PRKD1: variants seen among roughly 807,000 people sequenced by gnomAD.
PRKD1 encodes the protein serine/threonine-protein kinase D1.
PRKD1 carries 63 observed loss-of-function variants against 95.9 expected under a neutral mutation model. The ratio of observed to expected loss-of-function variants is 0.66; its 90% CI spans 0.54 to 0.81. PRKD1 has a LOEUF of 0.81. PRKD1 is among the 30% of genes least tolerant of loss of function. The pLI is 0.00. For missense variants in PRKD1, 1,048 were observed against 1,165.3 expected (o/e 0.90, Z 1.47); for synonymous variants, 425 against 423.1 (o/e 1.00, Z -0.05).
intron 13 of PRKD1, among the ~76,000 whole-genome samples, chr14:29,604,304 T>A (rs577941194): frequency 9.2e-5 from 14 of 152,298 alleles, no homozygotes; most frequent in South Asian, 2.1e-4. Context: ...ACCTTTAGGA[T>A]TATTCTACTC....
At chr14:29,863,023 C>A (rs901946330) in intron 1 of PRKD1, among the ~76,000 whole-genome samples, 1 of 152,102 alleles carries the variant, frequency 6.6e-6, no homozygotes, top group Non-Finnish European at 1.5e-5. Flanking sequence ...ATAAAGACAG[C>A]AACATTCTAA....
At chr14:29,683,200 G>A (rs1890223) in intron 2 of PRKD1, among the ~76,000 whole-genome samples, 30,890 of 152,034 alleles carry the variant, frequency 0.2, 3,182 homozygotes, top group South Asian at 0.24. Context: ...TACCATATGG[G>A]GCTGTAGCAA....
intron 1 of PRKD1, among the ~76,000 whole-genome samples, chr14:29,884,843 C>T (rs1893638810): frequency 6.6e-6 from 1 of 152,186 alleles, no homozygotes; most frequent in African/African-American, 2.4e-5. Context: ...AATTAGTAGG[C>T]TGGGCGCAGT....
intron 1 of PRKD1, among the ~76,000 whole-genome samples, chr14:29,862,499 T>C (rs1282291206): frequency 6.6e-6 from 1 of 152,134 alleles, no homozygotes; most frequent in South Asian, 2.1e-4. Flanking sequence ...TTCCCACCAA[T>C]AGTGTATGAG....
At chr14:29,756,504 T>TA (rs1313884558) in intron 1 of PRKD1, among the ~76,000 whole-genome samples, 1 of 152,114 alleles carries the variant, frequency 6.6e-6, no homozygotes, top group Non-Finnish European at 1.5e-5. Flanking sequence ...ATGCTATGTG[T>TA]AAAAAAACAC....
intron 1 of PRKD1, among the ~76,000 whole-genome samples, chr14:29,885,120 CT>C (rs201466290): frequency 4.4e-4 from 48 of 108,726 alleles, no homozygotes; most frequent in Admixed American, 1.3e-3. Flanking sequence ...GAGACTCCAT[CT>C]TTTAAAAAAA....
At chr14:29,832,586 G>A (rs182315793) in intron 1 of PRKD1, among the ~76,000 whole-genome samples, 9 of 151,850 alleles carry the variant, frequency 5.9e-5, no homozygotes, top group Non-Finnish European at 8.8e-5. Flanking sequence ...GTAACCATAC[G>A]TTTTTCATCC....
chr14:29,651,797 G>A (rs924091817), intron 4 of PRKD1, among the ~76,000 whole-genome samples: 1 of 151,998 alleles, frequency 6.6e-6, no homozygotes, highest in Non-Finnish European at 1.5e-5. Context: ...AGTCTAGAGT[G>A]CAATGGCTGT....
At chr14:29,751,039 A>G (rs973842679) in intron 1 of PRKD1, 1 of 152,234 alleles carries the variant, frequency 6.6e-6, no homozygotes, top group Admixed American at 6.5e-5. Flanking sequence ...ACTGAATGTA[A>G]AAACCTGGAA....
chr14:29,750,616 G>GCA (rs1555341358), intron 1 of PRKD1, among the ~76,000 whole-genome samples: 3,133 of 148,440 alleles, frequency 0.021, 45 homozygotes, highest in African/African-American at 0.045. Flanking sequence ...ATGAACGCGC[G>GCA]CACACACACA....
At chr14:29,783,221 A>G (rs987204231) in intron 1 of PRKD1, among the ~76,000 whole-genome samples, 5 of 152,134 alleles carry the variant, frequency 3.3e-5, no homozygotes, top group Non-Finnish European at 5.9e-5. Context: ...CAAATTTTCT[A>G]GCTTCCACAT....
intron 13 of PRKD1, among the ~76,000 whole-genome samples, chr14:29,619,620 C>T (rs1166738846): frequency 6.6e-6 from 1 of 151,984 alleles, no homozygotes; most frequent in Non-Finnish European, 1.5e-5. Context: ...GTGATAACTG[C>T]TACAGAAAAC....
chr14:29,741,244 G>A (rs534925855), intron 1 of PRKD1, among the ~76,000 whole-genome samples: 2 of 152,202 alleles, frequency 1.3e-5, no homozygotes, highest in African/African-American at 4.8e-5. Context: ...ATCTGCACAT[G>A]TACCCTGGAA....
chr14:29,781,752 A>C (rs1483664286), intron 1 of PRKD1, among the ~76,000 whole-genome samples: 2 of 152,252 alleles, frequency 1.3e-5, no homozygotes, highest in African/African-American at 4.8e-5. Flanking sequence ...ATTCTACTTC[A>C]CATGAACATT....
At chr14:29,912,500 T>C (rs1204762523) in intron 1 of PRKD1, among the ~76,000 whole-genome samples, 1 of 152,138 alleles carries the variant, frequency 6.6e-6, no homozygotes, top group African/African-American at 2.4e-5. Context: ...CAATAGTATA[T>C]TCATCAACAG....
At chr14:29,810,894 G>A (rs1013560908) in intron 1 of PRKD1, among the ~76,000 whole-genome samples, 1 of 152,230 alleles carries the variant, frequency 6.6e-6, no homozygotes. Context: ...AGTGGAAGAT[G>A]CAAGGGTTTT....
At chr14:29,693,876 G>A (rs899845665) in intron 2 of PRKD1, among the ~76,000 whole-genome samples, 2 of 152,128 alleles carry the variant, frequency 1.3e-5, no homozygotes, top group Admixed American at 1.3e-4. Flanking sequence ...AGTCCATTTT[G>A]GATAGTCTTT....
In PRKD1 at chr14:29,666,301, A is replaced by G. The variant is rs138454965; in HGVS notation, c.404-93T>C. ...AGATAATAAATATGCCAGTACGGATATAACTCCCTAGGCAAAGTTAGGGAA... is the reference window on the plus strand; with the variant it reads ...AGATAATAAATATGCCAGTACGGATGTAACTCCCTAGGCAAAGTTAGGGAA... On this transcript the variant is annotated intron_variant, in intron 2 of 17. Transcript: ENST00000331968. 348 of 1,325,784 alleles carry G rather than the reference A, an allele frequency of 2.6e-4. 1 individual carries two copies. In the African/African-American group the frequency reaches 4.4e-3, roughly 17 times the overall value. 82.1% of individuals were successfully genotyped at this position (1,325,784 alleles called of 1,614,324 possible). A position where few individuals can be genotyped will look rare whatever the true frequency, so the allele number is the denominator to read the frequency against.
At chr14:29,801,042 G>C (rs757411744) in intron 1 of PRKD1, among the ~76,000 whole-genome samples, 14 of 152,026 alleles carry the variant, frequency 9.2e-5, no homozygotes, top group South Asian at 2.1e-4. Flanking sequence ...CATTAGTCAA[G>C]GTTCTCCAGA....
Sources: allele counts gnomAD v4.1 joint callset (sites outside exome capture counted in the v4.1 genomes callset), GRCh38; gene constraint gnomAD v4.1.1; transcripts MANE v1.5; gene names NCBI Gene and HGNC (gene_info 2026-07-23, HGNC 2026-07-21).